TCIRG1: variants seen among roughly 807,000 people sequenced by gnomAD.
TCIRG1 encodes the protein T cell immune regulator 1, ATPase H+ transporting V0 subunit a3, also known as V-type proton ATPase 116 kDa subunit a 3.
Under a neutral mutation model 95.5 loss-of-function variants are expected in TCIRG1, and 86 were observed. That is an observed-to-expected ratio of 0.90 (90% CI 0.76 to 1.08). The LOEUF (loss-of-function observed/expected upper bound fraction) is 1.08. TCIRG1 is among the 50% of genes least tolerant of loss of function. The pLI, the probability that TCIRG1 is intolerant of heterozygous loss-of-function variation, is 0.00. For missense variants in TCIRG1, 1,069 were observed against 1,140.2 expected, an observed-to-expected ratio of 0.94 and a Z score of 0.90; for synonymous variants, 499 against 501.3, an observed-to-expected ratio of 1.00 and a Z score of 0.06.
downstream of TCIRG1, chr11:68,053,693 C>A: frequency 2.9e-6 from 1 of 347,160 alleles, no homozygotes; most frequent in Non-Finnish European, 5.3e-6. Flanking sequence ...GACTGGAAAC[C>A]TTAGCCCCCA....
chr11:68,044,495 A>G, intron 9 of TCIRG1, 151 bp downstream of exon 9: 2 of 699,852 alleles, frequency 2.9e-6, no homozygotes, highest in Admixed American at 2.2e-5. Flanking sequence ...CACCGCTTCC[A>G]GGGAGTCTGC....
chr11:68,042,620 C>T (rs772983335), intron 3 of TCIRG1, 23 bp from the exon 4 acceptor site: 139 of 1,539,320 alleles, frequency 9.0e-5, no homozygotes, highest in Admixed American at 2.9e-4. Context: ...AACTGCACCC[C>T]ACTCCCGTTC....
At chr11:68,041,422 A>T (rs1400538235) in intron 2 of TCIRG1, 34 bp downstream of exon 2, 1 of 1,483,032 alleles carries the variant, frequency 6.7e-7, no homozygotes, top group Non-Finnish European at 9.4e-7. Context: ...GAAGGGGGCT[A>T]CTGCCAAGGT....
Position 68,043,887 on chromosome 11 carries a change from C to G in TCIRG1, c.787C>G (p.Gln263Glu). Reference sequence around the variant, plus strand: ...CGGGGCCCTGCAGCAGCTGCAACAGCAGAGCCAGGAGCTGCAGGAGGTGGG... The same window carrying G: ...CGGGGCCCTGCAGCAGCTGCAACAGGAGAGCCAGGAGCTGCAGGAGGTGGG... Reference protein sequence around the residue: ...RLGALQQLQQQSQELQEVLGE... With the variant: ...RLGALQQLQQESQELQEVLGE... Residue 263 changes from glutamine (Q) to glutamate (E), a missense_variant, in exon 8 of 20, where the codon CAG (glutamine) becomes GAG (glutamate). By Grantham distance (29) the Gln-to-Glu change is conservative (BLOSUM62 2). Transcript: ENST00000265686. 6.4e-7 allele frequency: 1 copy of G among 1,558,354 alleles called. No individual in the cohort carries two copies. Among genetic ancestry groups the G allele is most frequent in the South Asian group, 1.2e-5 (1 of 84,794 alleles).
chr11:68,047,749 A>G lies in TCIRG1; in HGVS notation c.1408A>G (p.Ser470Gly). ...CAACGAGTGCTTCAGTCGCGCCACC[A>G]GCATCTTCCCCTCGGGCTGGAGTGT... Reference protein sequence around the residue: ...IYNECFSRATSIFPSGWSVAA... With the variant: ...IYNECFSRATGIFPSGWSVAA... Residue 470 changes from serine (S) to glycine (G), a missense_variant, in exon 12 of 20, where the codon AGC becomes GGC. Ser to Gly is a moderately conservative substitution (Grantham distance 56). Coordinates refer to ENST00000265686, the MANE Select transcript of TCIRG1 (RefSeq NM_006019.4). 3 of 1,613,212 alleles carry G rather than the reference A, an allele frequency of 1.9e-6. No individual in the cohort carries two copies. Among genetic ancestry groups the G allele is most frequent in the East Asian group, 2.2e-5 (1 of 44,852 alleles).
intron 10 of TCIRG1, among the ~76,000 whole-genome samples, chr11:68,047,221 G>C (rs1855534919): frequency 6.9e-6 from 1 of 145,688 alleles, no homozygotes; most frequent in Non-Finnish European, 1.5e-5. Flanking sequence ...GTGTGGGCCA[G>C]GCTGGTCTCG....
At chr11:68,053,240 G>A (rs1185367614), downstream of TCIRG1, 2 of 152,348 alleles carry the variant, frequency 1.3e-5, no homozygotes, top group African/African-American at 4.8e-5. Context: ...CGGGAGACAG[G>A]GAGGTCCTCA....
At chr11:68,044,398 G>A in intron 9 of TCIRG1, 54 bp downstream of exon 9, 1 of 1,448,678 alleles carries the variant, frequency 6.9e-7, no homozygotes, top group Non-Finnish European at 9.4e-7. Context: ...ACCAGGCCGG[G>A]GCGTTTCTGC....
intron 5 of TCIRG1, 60 bp downstream of exon 5, chr11:68,043,091 G>T (rs1367245526): frequency 1.3e-6 from 2 of 1,548,276 alleles, no homozygotes; most frequent in Non-Finnish European, 8.7e-7. Context: ...GCCAGTCGCT[G>T]GGCTGGGCCA....
At chr11:68,050,441 C>T (rs1430634039) in intron 18 of TCIRG1, 46 bp from the exon 19 acceptor site, 4 of 1,611,278 alleles carry the variant, frequency 2.5e-6, no homozygotes, top group Non-Finnish European at 3.4e-6. Context: ...AGGGGGCTGG[C>T]AGGCACCCAC....
rs368731151 is a variant in TCIRG1 at position 68,043,479 on chromosome 11, G to T, written c.612G>T (p.Pro204=). 1.3e-5 allele frequency: 20 copies of T among 1,562,144 alleles called. No individual in the cohort carries two copies. Among genetic ancestry groups the T allele is most frequent in the Non-Finnish European group, 1.7e-5 (20 of 1,153,762 alleles). The change falls in exon 6 of 20, where the codon CCG becomes CCT. Residue 204 remains proline, a synonymous_variant. Transcript: ENST00000265686. The part of the protein sequence containing the change: ...LIASFRELEQ[P]LEHPVTGEPA... Reference sequence around the variant, plus strand: ...CCAGCTTCAGGGAGCTGGAGCAGCCGCTGGAGCACCCCGTGACGGTGAGCA... The same window carrying T: ...CCAGCTTCAGGGAGCTGGAGCAGCCTCTGGAGCACCCCGTGACGGTGAGCA...
At chr11:68,053,730 A>C, downstream of TCIRG1, 1 of 396,894 alleles carries the variant, frequency 2.5e-6, no homozygotes, top group Non-Finnish European at 4.5e-6. Flanking sequence ...TCTAGATTAA[A>C]AGGATTCAGA....
chr11:68,048,719 C>A, intron 13 of TCIRG1, 160 bp from the exon 14 acceptor site: 1 of 725,822 alleles, frequency 1.4e-6, no homozygotes, highest in Non-Finnish European at 2.5e-6. Context: ...TGGCAGCTGG[C>A]CCATCTGCGC....
intron 8 of TCIRG1, 44 bp downstream of exon 8, chr11:68,043,951 GC>G (rs1565156117): frequency 1.4e-6 from 2 of 1,470,372 alleles, no homozygotes; most frequent in African/African-American, 1.4e-5. Flanking sequence ...GGAGGTGGGT[GC>G]CCCCGGCCTC....
In TCIRG1 at chr11:68,049,787, A is replaced by G. The variant is rs778574482; in HGVS notation, c.2012A>G (p.Gln671Arg). The G allele has an allele frequency of 9.6e-6, 15 of 1,569,496 alleles. No individual in the cohort carries two copies. In the South Asian group the frequency reaches 1.7e-4, roughly 18 times the overall value. Residue 671 changes from glutamine to arginine, a missense_variant and splice_region_variant, in exon 16 of 20, where the codon CAG becomes CGG. Transcript: ENST00000265686. ...RRLRRRPADR[Q>R]EENKAGLLDL... ...CTGCGGAGGAGGCCCGCTGACCGACAGGTGGGACCGGGGCCTAAGGTGTGG... is the reference window on the plus strand; with the variant it reads ...CTGCGGAGGAGGCCCGCTGACCGACGGGTGGGACCGGGGCCTAAGGTGTGG...
chr11:68,049,816 G>T, intron 16 of TCIRG1, 28 bp downstream of exon 16: 2 of 1,560,420 alleles, frequency 1.3e-6, no homozygotes, highest in Non-Finnish European at 1.7e-6. Flanking sequence ...GGTGTGGGGG[G>T]CTGCTTGCGG....
In TCIRG1 at chr11:68,047,562, C is replaced by T. The variant is rs201385035; in HGVS notation, c.1295C>T (p.Ala432Val). 12 of 1,613,760 alleles carry T rather than the reference C, an allele frequency of 7.4e-6. No homozygotes were observed. Among genetic ancestry groups the T allele is most frequent in the South Asian group, 2.2e-5 (2 of 91,086 alleles). Reference sequence around the variant, plus strand: ...GAGAACCGACCGGCTGTGAAGGCCGCGCAGAACGAGGTGAGGGGCGGGGCT... The same window carrying T: ...GAGAACCGACCGGCTGTGAAGGCCGTGCAGAACGAGGTGAGGGGCGGGGCT... ...LAENRPAVKA[A>V]QNEIWQTFFR... Residue 432 changes from alanine (A) to valine (V), a missense_variant, in exon 11 of 20, where the codon GCG (alanine) becomes GTG (valine). Transcript: ENST00000265686.
chr11:68,047,897 C>T lies in TCIRG1; in HGVS notation c.1479C>T (p.Ala493=), dbSNP rs776489025. The part of the protein sequence containing the change: ...NQSGWSDAFL[A]QHTMLTLDPN... ...GTTGCCGCAGTGATGCATTCCTGGC[C>T]CAGCACACGATGCTTACCCTGGATC... The change falls in exon 13 of 20, where the codon GCC becomes GCT. Residue 493 remains alanine, a synonymous_variant. Coordinates refer to ENST00000265686, the MANE Select transcript of TCIRG1 (RefSeq NM_006019.4). 6.2e-7 allele frequency: 1 copy of T among 1,613,698 alleles called. No individual in the cohort carries two copies. The highest frequency in any genetic ancestry group is 8.5e-7 in the Non-Finnish European group (1 of 1,179,994).
At chr11:68,043,208 C>T in intron 5 of TCIRG1, 163 bp from the exon 6 acceptor site, 1 of 1,480,106 alleles carries the variant, frequency 6.8e-7, no homozygotes, top group Non-Finnish European at 8.9e-7. Flanking sequence ...GGGGGTTCTC[C>T]TCTTCTGGTC....
Sources: allele counts gnomAD v4.1 joint callset (sites outside exome capture counted in the v4.1 genomes callset), GRCh38; gene constraint gnomAD v4.1.1; transcripts MANE v1.5; gene names NCBI Gene and HGNC (gene_info 2026-07-23, HGNC 2026-07-21).